The following TRAPPC9 variants were observed in gnomAD, a reference collection of about 807,000 sequenced individuals.
The protein encoded by TRAPPC9 is trafficking protein particle complex subunit 9.
In TRAPPC9, 83 loss-of-function variants were observed where a neutral mutation model predicts 124.0. That is an observed-to-expected ratio of 0.67 (90% CI 0.56 to 0.80). TRAPPC9 has a LOEUF of 0.80. Among genes scored for constraint, TRAPPC9 ranks in the 30% least tolerant of loss-of-function variants. TRAPPC9 has a pLI of 0.00. For synonymous variants in TRAPPC9, 638 were observed against 617.5 expected, an observed-to-expected ratio of 1.03 and a Z score of -0.49; for missense variants, 1,302 against 1,508.3, an observed-to-expected ratio of 0.86 and a Z score of 2.27.
At chr8:140,266,773 T>C (rs1171867442) in intron 15 of TRAPPC9, among the ~76,000 whole-genome samples, 1 of 149,580 alleles carries the variant, frequency 6.7e-6, no homozygotes, top group Non-Finnish European at 1.5e-5. Context: ...GGCAGGAGAA[T>C]GGTGTGAACC....
At chr8:140,253,595 T>C (rs1458462022) in intron 15 of TRAPPC9, among the ~76,000 whole-genome samples, 1 of 152,018 alleles carries the variant, frequency 6.6e-6, no homozygotes, top group African/African-American at 2.4e-5. Context: ...GGAGAATCGC[T>C]TGAACCCGGC....
chr8:139,769,552 C>T (rs541853189), intron 21 of TRAPPC9, among the ~76,000 whole-genome samples: 39 of 152,280 alleles, frequency 2.6e-4, no homozygotes, highest in African/African-American at 8.4e-4. Context: ...TATGGTTGAA[C>T]GAGGGTCACT....
chr8:140,023,544 A>T (rs1839941395), intron 18 of TRAPPC9, among the ~76,000 whole-genome samples: 1 of 152,192 alleles, frequency 6.6e-6, no homozygotes, highest in African/African-American at 2.4e-5. Context: ...GATGCAGAAG[A>T]GATGCTGGAC....
At chr8:139,955,094 T>C (rs1468736084) in intron 19 of TRAPPC9, among the ~76,000 whole-genome samples, 1 of 152,210 alleles carries the variant, frequency 6.6e-6, no homozygotes, top group Non-Finnish European at 1.5e-5. Flanking sequence ...ATAGTACTGG[T>C]TACATAAATG....
intron 19 of TRAPPC9, among the ~76,000 whole-genome samples, chr8:139,950,753 AAAAC>A (rs1415768574): frequency 1.3e-5 from 2 of 152,240 alleles, no homozygotes; most frequent in African/African-American, 2.4e-5. Context: ...AACACTGGTG[AAAAC>A]ATTCAGCAAC....
chr8:140,337,560 G>A (rs1568608), intron 9 of TRAPPC9, among the ~76,000 whole-genome samples: 43,763 of 152,042 alleles, frequency 0.29, 6,659 homozygotes, highest in Middle Eastern at 0.43. Flanking sequence ...CAAGGTCACC[G>A]GCAAGAGAGA....
In TRAPPC9 at chr8:140,252,227, T is replaced by C. The variant is rs1316677020; in HGVS notation, c.2431+550A>G. On this transcript the variant is annotated intron_variant, in intron 16 of 22. Transcript: ENST00000438773. The surrounding 1 kb of genome is among the most constrained non-coding windows in gnomAD (Gnocchi z 4.2). The stretch of plus-strand genomic sequence containing the variant: ...TGTTAATAGAGACAGGATTTCACCA[T>C]GTTGTCCAGGCTGGTCTGAAAGTCC... Among the ~76,000 whole-genome samples the C allele has an allele frequency of 2.6e-5, 4 of 152,150 alleles. No individual in the cohort carries two copies. The South Asian group carries it at 8.3e-4, about 32-fold the overall frequency.
Position 140,087,599 on chromosome 8 carries a change from C to T in TRAPPC9, c.2557-63520G>A, listed in dbSNP as rs190904284. ...CTCAGGCCAAAACCTTAAAAGACACCCTTGCTTATTCTTCAGTGCATCTAA... is the reference window on the plus strand; with the variant it reads ...CTCAGGCCAAAACCTTAAAAGACACTCTTGCTTATTCTTCAGTGCATCTAA... On this transcript the variant is annotated intron_variant, in intron 17 of 22. Transcript: ENST00000438773. The surrounding 1 kb of genome is among the most constrained non-coding windows in gnomAD (Gnocchi z 4.6). 4.6e-5 allele frequency among the ~76,000 whole-genome samples: 7 copies of T among 152,290 alleles called. No homozygotes were observed. The highest frequency in any genetic ancestry group is 2.1e-4 in the South Asian group (1 of 4,826).
intron 17 of TRAPPC9, among the ~76,000 whole-genome samples, chr8:140,194,760 CCT>C (rs2062596567): frequency 6.6e-6 from 1 of 152,188 alleles, no homozygotes; most frequent in African/African-American, 2.4e-5. Context: ...CTTACACACC[CCT>C]GACCATGTAT....
At chr8:139,762,196 G>A (rs1480546503) in intron 21 of TRAPPC9, among the ~76,000 whole-genome samples, 1 of 151,800 alleles carries the variant, frequency 6.6e-6, no homozygotes, top group African/African-American at 2.4e-5. Flanking sequence ...GAAGACCCCT[G>A]GAGTACCTCT....
At chr8:140,089,810 T>C (rs1380734358) in intron 17 of TRAPPC9, among the ~76,000 whole-genome samples, 1 of 151,824 alleles carries the variant, frequency 6.6e-6, no homozygotes, top group Non-Finnish European at 1.5e-5. Context: ...CTAGGTGTGG[T>C]GGCTCACACC....
rs188564663 is a variant in TRAPPC9 at position 139,788,364 on chromosome 8, G to T, written c.3056-56162C>A. 3.1e-3 allele frequency among the ~76,000 whole-genome samples: 472 copies of T among 152,326 alleles called. 1 individual carries two copies. The highest frequency in any genetic ancestry group is 7.1e-3 in the African/African-American group (296 of 41,584). ...CCACAGGGAAAAGGAGTGGGAACAG[G>T]TTTCTAAAAATAGCCTGGCCTGTCA... On this transcript the variant is annotated intron_variant, in intron 21 of 22. Transcript: ENST00000438773. The surrounding 1 kb of genome is among the most constrained non-coding windows in gnomAD (Gnocchi z 4.9).
At chr8:139,775,831 T>C (rs1167397903) in intron 21 of TRAPPC9, among the ~76,000 whole-genome samples, 1 of 152,218 alleles carries the variant, frequency 6.6e-6, no homozygotes, top group East Asian at 1.9e-4. Context: ...TGTGGCCATC[T>C]GTCCTTCCTG....
At chr8:139,823,741 G>C (rs1391293640) in intron 21 of TRAPPC9, among the ~76,000 whole-genome samples, 2 of 152,210 alleles carry the variant, frequency 1.3e-5, no homozygotes, top group Non-Finnish European at 1.5e-5. Context: ...TGGGGCTGAC[G>C]CTGAGCTCTG....
At chr8:139,834,125 G>A (rs1310137570) in intron 21 of TRAPPC9, among the ~76,000 whole-genome samples, 1 of 152,190 alleles carries the variant, frequency 6.6e-6, no homozygotes, top group Admixed American at 6.5e-5. Flanking sequence ...TAAGCCTGAG[G>A]TGAGGTTCTG....
At chr8:140,298,235 C>T (rs948256595) in intron 11 of TRAPPC9, among the ~76,000 whole-genome samples, 7 of 152,218 alleles carry the variant, frequency 4.6e-5, no homozygotes, top group African/African-American at 1.4e-4. Context: ...AACTTTATTT[C>T]CTCTGAAGCA....
intron 5 of TRAPPC9, among the ~76,000 whole-genome samples, chr8:140,414,630 G>A (rs1286669926): frequency 1.3e-5 from 2 of 152,104 alleles, no homozygotes. Context: ...AACTATTTTA[G>A]ATATCAACAA....
chr8:139,787,715 C>T (rs1156320704), intron 21 of TRAPPC9, among the ~76,000 whole-genome samples: 1 of 152,200 alleles, frequency 6.6e-6, no homozygotes, highest in Non-Finnish European at 1.5e-5. Flanking sequence ...TGTTTTTCAA[C>T]GTCCCTGTCC....
At chr8:139,947,907 TAGAGAGAGAGAGAGAGCGAGAG>T (rs1834351235) in intron 19 of TRAPPC9, among the ~76,000 whole-genome samples, 1 of 60,364 alleles carries the variant, frequency 1.7e-5, no homozygotes, top group Admixed American at 2.0e-4. Flanking sequence ...TATATATATA[TAGAGAGAGAGAGAGAGCGAGAG>T]AGAGAGAGAG....
Sources: allele counts gnomAD v4.1 joint callset (sites outside exome capture counted in the v4.1 genomes callset), GRCh38; gene constraint gnomAD v4.1.1; non-coding constraint Gnocchi (gnomAD v3.1); transcripts MANE v1.5; gene names NCBI Gene and HGNC (gene_info 2026-07-23, HGNC 2026-07-21).